The following RASL10B variants were observed in gnomAD, a reference collection of about 807,000 sequenced individuals.
RASL10B encodes RAS like family 10 member B.
In RASL10B, 10 loss-of-function variants were observed where a neutral mutation model predicts 20.7. The observed-to-expected ratio is 0.48, with a 90% CI of 0.30 to 0.82. The LOEUF is 0.82. Among genes scored for constraint, RASL10B ranks in the 40% least tolerant of loss-of-function variants. The pLI, the probability that RASL10B is intolerant of heterozygous loss-of-function variation, is 0.07. For synonymous variants in RASL10B, 110 were observed against 123.3 expected, an observed-to-expected ratio of 0.89 and a Z score of 0.72; for missense variants, 231 against 295.4, an observed-to-expected ratio of 0.78 and a Z score of 1.60.
chr17:35,733,454 C>T lies in RASL10B; in HGVS notation c.-148+1576C>T, dbSNP rs975907000. On this transcript the variant is annotated intron_variant, in intron 1 of 3. Transcript: ENST00000603017. ...CACATCCTGACCTGTATTTACTATGCTGTGTGCGCACATACCCCGTGGAGT... is the reference window on the plus strand; with the variant it reads ...CACATCCTGACCTGTATTTACTATGTTGTGTGCGCACATACCCCGTGGAGT... 4.6e-5 allele frequency among the ~76,000 whole-genome samples: 7 copies of T among 152,364 alleles called. No homozygotes were observed. The South Asian group carries it at 6.2e-4, about 14-fold the overall frequency.
Position 35,741,473 on chromosome 17 carries a change from C to G in RASL10B, c.*168C>G. The G allele has an allele frequency of 9.6e-7, 1 of 1,044,172 alleles. No individual in the cohort carries two copies. 64.7% of individuals were successfully genotyped at this position (1,044,172 alleles called of 1,614,324 possible). A position where few individuals can be genotyped will look rare whatever the true frequency, so the allele number is the denominator to read the frequency against. On this transcript the variant is annotated 3_prime_UTR_variant, in exon 4 of 4. Coordinates refer to ENST00000603017, the MANE Select transcript of RASL10B (RefSeq NM_033315.4). ...GAAGCAGAGCGCGAGAGGGAGCCCT[C>G]CGTAACTGCCCAGCCCTGCCCCTTG...
chr17:35,732,258 C>G (rs1555596476), intron 1 of RASL10B, among the ~76,000 whole-genome samples: 1 of 152,212 alleles, frequency 6.6e-6, no homozygotes, highest in Non-Finnish European at 1.5e-5. Flanking sequence ...CCCCCGCTCT[C>G]AGCCTTGGGC....
intron 1 of RASL10B, among the ~76,000 whole-genome samples, chr17:35,732,380 T>G (rs182188002): frequency 9.5e-4 from 144 of 152,354 alleles, no homozygotes; most frequent in Non-Finnish European, 7.4e-4. Context: ...GGGCGCTGTC[T>G]GCAGACTCAC....
intron 2 of RASL10B, among the ~76,000 whole-genome samples, chr17:35,736,048 G>A (rs2085589573): frequency 6.6e-6 from 1 of 152,194 alleles, no homozygotes; most frequent in Admixed American, 6.5e-5. Context: ...CTTCTCTTAA[G>A]TGATGCTCTG....
Position 35,741,030 on chromosome 17 carries a change from C to A in RASL10B, c.342-5C>A. The A allele has an allele frequency of 1.3e-6, 2 of 1,594,348 alleles. No individual in the cohort carries two copies. The highest frequency in any genetic ancestry group is 1.1e-5 in the South Asian group (1 of 88,898). On this transcript the variant is annotated splice_polypyrimidine_tract_variant and splice_region_variant and intron_variant, in intron 3 of 3. Coordinates refer to ENST00000603017, the MANE Select transcript of RASL10B (RefSeq NM_033315.4). Reference sequence around the variant, plus strand: ...GAGTTCTGAGCTGCCTGCCTCGCCCCACAGGGTGATCGGAACCTCAGAGAC... The same window carrying A: ...GAGTTCTGAGCTGCCTGCCTCGCCCAACAGGGTGATCGGAACCTCAGAGAC...
chr17:35,738,782 C>T (rs1598389950), intron 2 of RASL10B, among the ~76,000 whole-genome samples: 1 of 152,280 alleles, frequency 6.6e-6, no homozygotes, highest in South Asian at 2.1e-4. Context: ...GCCAGGAGTT[C>T]CCCTCAAGGA....
chr17:35,740,883 C>T (rs1555597829), intron 3 of RASL10B, 152 bp from the exon 4 acceptor site: 2 of 657,386 alleles, frequency 3.0e-6, no homozygotes, highest in Non-Finnish European at 5.1e-6. Flanking sequence ...GTCAGTTGTG[C>T]TGATCAGAGA....
chr17:35,742,516 T>C lies in RASL10B; in HGVS notation c.*1211T>C, dbSNP rs782550517. 6.6e-6 allele frequency: 1 copy of C among 152,646 alleles called. No homozygotes were observed. Among genetic ancestry groups the C allele is most frequent in the Non-Finnish European group, 1.5e-5 (1 of 68,080 alleles). 9.5% of individuals were successfully genotyped at this position (152,646 alleles called of 1,614,324 possible). ...CAGTCAGCCCTATACCCTAACTCACTCCACCCCATTTTCTCCGGCTGCCTG... is the reference window on the plus strand; with the variant it reads ...CAGTCAGCCCTATACCCTAACTCACCCCACCCCATTTTCTCCGGCTGCCTG... On this transcript the variant is annotated 3_prime_UTR_variant, in exon 4 of 4. Transcript: ENST00000603017.
rs1555597927 is a variant in RASL10B at position 35,741,306 on chromosome 17, C to G, written c.*1C>G. On this transcript the variant is annotated 3_prime_UTR_variant, in exon 4 of 4. Coordinates refer to ENST00000603017, the MANE Select transcript of RASL10B (RefSeq NM_033315.4). ...CCGCAACCGCTGCGCCATCATGTGA[C>G]GCCTGCGCGCCCCTCGGGCTGCACC... 6.8e-7 allele frequency: 1 copy of G among 1,475,850 alleles called. No individual in the cohort carries two copies. Among genetic ancestry groups the G allele is most frequent in the Admixed American group, 2.2e-5 (1 of 45,042 alleles). The allele number at this position is 1,475,850 out of a possible 1,614,324, so 91.4% of individuals were successfully genotyped here. A position where few individuals can be genotyped will look rare whatever the true frequency, so the allele number is the denominator to read the frequency against.
At position 35,741,301 on chromosome 17, in the gene RASL10B, T is replaced by C. The variant is rs2085627717; in HGVS notation, c.608T>C (p.Met203Thr). ...CTGCGCCGCAACCGCTGCGCCATCA[T>C]GTGACGCCTGCGCGCCCCTCGGGCT... ...GALRRNRCAI[M>T] is the part of the protein sequence containing the mutation. The change falls in exon 4 of 4, where the codon ATG becomes ACG. Residue 203 changes from methionine to threonine, a missense_variant. Transcript: ENST00000603017. 2 of 1,487,954 alleles carry C rather than the reference T, an allele frequency of 1.3e-6. No individual in the cohort carries two copies. The highest frequency in any genetic ancestry group is 5.2e-5 in the East Asian group (2 of 38,112). 92.2% of individuals were successfully genotyped at this position (1,487,954 alleles called of 1,614,324 possible). A position where few individuals can be genotyped will look rare whatever the true frequency, so the allele number is the denominator to read the frequency against.
chr17:35,737,318 T>A (rs2085599293), intron 2 of RASL10B, among the ~76,000 whole-genome samples: 1 of 152,152 alleles, frequency 6.6e-6, no homozygotes, highest in South Asian at 2.1e-4. Context: ...TGTACCTCAA[T>A]TTTTTTAACT....
At chr17:35,731,976 G>A (rs2085560584) in intron 1 of RASL10B, 98 bp downstream of exon 1, 1 of 151,060 alleles carries the variant, frequency 6.6e-6, no homozygotes, top group African/African-American at 2.4e-5. Flanking sequence ...GAGACGGCCT[G>A]GGCGAGGGGC....
Position 35,735,065 on chromosome 17 carries a change from G to C in RASL10B, c.-120G>C. On this transcript the variant is annotated 5_prime_UTR_variant, in exon 2 of 4. Transcript: ENST00000603017. The surrounding 1 kb of genome is among the most constrained non-coding windows in gnomAD (Gnocchi z 6.7). ...CAGGTGGAGGCCGCAGAGGGCCCAG[G>C]GCAAGCAGAGGCAGCAATGGTTGGT... 1 of 1,039,804 alleles carries C rather than the reference G, an allele frequency of 9.6e-7. No individual in the cohort carries two copies. Among genetic ancestry groups the C allele is most frequent in the Non-Finnish European group, 1.4e-6 (1 of 691,450 alleles). 64.4% of individuals were successfully genotyped at this position (1,039,804 alleles called of 1,614,324 possible).
At chr17:35,736,531 T>C (rs147368656) in intron 2 of RASL10B, among the ~76,000 whole-genome samples, 14 of 152,324 alleles carry the variant, frequency 9.2e-5, no homozygotes, top group African/African-American at 3.4e-4. Context: ...ATCCCGCATC[T>C]GCCCTGGAAG....
intron 3 of RASL10B, 88 bp downstream of exon 3, chr17:35,740,621 C>G: frequency 2.8e-6 from 4 of 1,443,734 alleles, no homozygotes; most frequent in Non-Finnish European, 3.8e-6. Flanking sequence ...TATAGGGACA[C>G]AGATAGAGGT....
intron 2 of RASL10B, among the ~76,000 whole-genome samples, chr17:35,739,201 G>A (rs1448324481): frequency 2.6e-5 from 4 of 152,194 alleles, no homozygotes; most frequent in African/African-American, 9.6e-5. Context: ...CACCAAAGTC[G>A]TTTCCTTTTG....
In RASL10B at chr17:35,742,540, T is replaced by C. The variant is rs1375643658; in HGVS notation, c.*1235T>C. On this transcript the variant is annotated 3_prime_UTR_variant, in exon 4 of 4. Coordinates refer to ENST00000603017, the MANE Select transcript of RASL10B (RefSeq NM_033315.4). The stretch of plus-strand genomic sequence containing the variant: ...CTCCACCCCATTTTCTCCGGCTGCC[T>C]GGCCGGGTTTCTACCTCTCGTCACC... The C allele has an allele frequency of 6.5e-6, 1 of 152,742 alleles. No homozygotes were observed. The highest frequency in any genetic ancestry group is 1.5e-5 in the Non-Finnish European group (1 of 68,112). 9.5% of individuals were successfully genotyped at this position (152,742 alleles called of 1,614,324 possible). A position where few individuals can be genotyped will look rare whatever the true frequency, so the allele number is the denominator to read the frequency against.
At chr17:35,738,728 CCT>C (rs1453935670) in intron 2 of RASL10B, among the ~76,000 whole-genome samples, 2 of 152,170 alleles carry the variant, frequency 1.3e-5, no homozygotes, top group East Asian at 1.9e-4. Flanking sequence ...GGGCCTTCCT[CCT>C]CTCTCTTTTA....
intron 2 of RASL10B, among the ~76,000 whole-genome samples, chr17:35,736,129 C>A (rs1419007519): frequency 9.2e-5 from 14 of 152,202 alleles, no homozygotes; most frequent in African/African-American, 3.4e-4. Context: ...TGAGGGTCCT[C>A]ACTTATTGTG....
Sources: gnomAD v4.1 joint callset for allele counts (sites outside exome capture counted in the v4.1 genomes callset) on GRCh38, gnomAD v4.1.1 for gene constraint, Gnocchi (gnomAD v3.1) non-coding constraint, MANE v1.5 for transcripts, NCBI Gene and HGNC (gene_info 2026-07-23, HGNC 2026-07-21) for gene names.